The following CEP83 variants were observed in gnomAD, a reference collection of about 807,000 sequenced individuals.
The protein encoded by CEP83 is centrosomal protein 83, also known as centrosomal protein of 83 kDa.
In CEP83, 70 loss-of-function variants were observed where a neutral mutation model predicts 101.9. The observed-to-expected ratio is 0.69, with a 90% CI of 0.57 to 0.84. The LOEUF is 0.84. CEP83 is among the 40% of genes least tolerant of loss of function. CEP83 has a pLI of 0.00. For synonymous variants in CEP83, 264 were observed against 267.9 expected, an observed-to-expected ratio of 0.99 and a Z score of 0.14; for missense variants, 715 against 787.2, an observed-to-expected ratio of 0.91 and a Z score of 1.10.
At chr12:94,382,498 T>C (rs1176778945) in intron 6 of CEP83, among the ~76,000 whole-genome samples, 1 of 151,906 alleles carries the variant, frequency 6.6e-6, no homozygotes, top group East Asian at 1.9e-4. Context: ...GGCACTGCTT[T>C]AGCTGTGTCC....
intron 6 of CEP83, among the ~76,000 whole-genome samples, chr12:94,399,270 C>A (rs1046495957): frequency 6.6e-6 from 1 of 152,140 alleles, no homozygotes; most frequent in Admixed American, 6.5e-5. Flanking sequence ...CCCCAGGGGC[C>A]GAGCTGTAAA....
At chr12:94,338,562 C>G (rs183799121) in intron 11 of CEP83, among the ~76,000 whole-genome samples, 1 of 151,698 alleles carries the variant, frequency 6.6e-6, no homozygotes, top group Non-Finnish European at 1.5e-5. Context: ...CAGTTTTCAG[C>G]AGGGGGAGAG....
At chr12:94,367,754 T>A in intron 11 of CEP83, 40 bp downstream of exon 11, 1 of 1,466,040 alleles carries the variant, frequency 6.8e-7, no homozygotes, top group Non-Finnish European at 9.1e-7. Context: ...TCTGACCTTA[T>A]TTCAACATGA....
intron 8 of CEP83, among the ~76,000 whole-genome samples, chr12:94,371,924 A>G (rs918253170): frequency 6.6e-6 from 1 of 152,318 alleles, no homozygotes; most frequent in African/African-American, 2.4e-5. Flanking sequence ...GTAGATTTTT[A>G]AATGACCGTA....
downstream of CEP83, chr12:94,304,000 A>G (rs749228338): frequency 7.5e-6 from 12 of 1,599,514 alleles, no homozygotes; most frequent in Non-Finnish European, 8.6e-6. Flanking sequence ...AATTTAATGA[A>G]GAAGTGGCCT....
At chr12:94,334,630 C>A (rs1352015951) in intron 12 of CEP83, among the ~76,000 whole-genome samples, 1 of 151,990 alleles carries the variant, frequency 6.6e-6, no homozygotes, top group Non-Finnish European at 1.5e-5. Flanking sequence ...ATATAATAAA[C>A]AAAATAAATG....
chr12:94,457,083 T>C (rs1353544460), intron 1 of CEP83, among the ~76,000 whole-genome samples: 1 of 152,134 alleles, frequency 6.6e-6, no homozygotes. Context: ...TAAGATCAGG[T>C]CACGGGGGAT....
At chr12:94,344,695 T>C (rs2059850075) in intron 11 of CEP83, among the ~76,000 whole-genome samples, 1 of 152,144 alleles carries the variant, frequency 6.6e-6, no homozygotes. Context: ...AATGGAGAGA[T>C]GTATGATATT....
intron 14 of CEP83, among the ~76,000 whole-genome samples, chr12:94,324,335 T>C (rs1593155147): frequency 1.3e-5 from 2 of 152,210 alleles, no homozygotes; most frequent in East Asian, 3.8e-4. Context: ...ATGACCTAAT[T>C]CTTCTTGTAT....
intron 11 of CEP83, among the ~76,000 whole-genome samples, chr12:94,341,632 T>C (rs1403284639): frequency 6.6e-6 from 1 of 151,974 alleles, no homozygotes; most frequent in African/African-American, 2.4e-5. Flanking sequence ...TTAAAATAAG[T>C]TGAGGTCATT....
At chr12:94,297,122 A>C in the CEP83 span, 3 of 1,523,988 alleles carry the variant, frequency 2.0e-6, no homozygotes, top group Non-Finnish European at 2.7e-6. Context: ...TTTTAAGAGA[A>C]GGCCGATTAG....
chr12:94,344,248 G>T (rs1044235335), intron 11 of CEP83, among the ~76,000 whole-genome samples: 2 of 152,198 alleles, frequency 1.3e-5, no homozygotes, highest in Non-Finnish European at 2.9e-5. Flanking sequence ...TAAAATTAGT[G>T]AATTTCTTTA....
the CEP83 span, among the ~76,000 whole-genome samples, chr12:94,284,087 GAAAAAAAAA>G: frequency 4.8e-5 from 4 of 82,696 alleles, no homozygotes; most frequent in Admixed American, 1.4e-4. Context: ...CATGTCAGGG[GAAAAAAAAA>G]AAAAAAAAAA....
intron 2 of CEP83, among the ~76,000 whole-genome samples, chr12:94,416,418 A>C (rs909743269): frequency 6.6e-6 from 1 of 152,168 alleles, no homozygotes; most frequent in Non-Finnish European, 1.5e-5. Context: ...GAAACTGGCA[A>C]CCAGGAAACA....
chr12:94,447,938 T>C (rs1415576857), intron 1 of CEP83, among the ~76,000 whole-genome samples: 3 of 151,708 alleles, frequency 2.0e-5, no homozygotes, highest in African/African-American at 4.8e-5. Context: ...AAAACAAATA[T>C]GAAAAATGCA....
intron 4 of CEP83, among the ~76,000 whole-genome samples, chr12:94,409,111 T>C (rs1039050031): frequency 1.6e-4 from 24 of 151,988 alleles, no homozygotes; most frequent in African/African-American, 5.6e-4. Context: ...TAAACCTTCA[T>C]TGAAATATTT....
the CEP83 span, chr12:94,294,572 C>A: frequency 1.1e-6 from 1 of 949,622 alleles, no homozygotes; most frequent in Non-Finnish European, 1.7e-6. Context: ...ACCTTTTGTT[C>A]TCACCCAGCT....
At chr12:94,394,464 A>G (rs2062758326) in intron 6 of CEP83, among the ~76,000 whole-genome samples, 1 of 152,230 alleles carries the variant, frequency 6.6e-6, no homozygotes, top group Non-Finnish European at 1.5e-5. Flanking sequence ...CACCTTGTAA[A>G]AAAATTAATT....
chr12:94,459,724 G>C lies in CEP83; in HGVS notation c.-322C>G, dbSNP rs186461212. The C allele has an allele frequency of 2.0e-5, 3 of 152,552 alleles. No homozygotes were observed. The highest frequency in any genetic ancestry group is 1.3e-4 in the Admixed American group (2 of 15,300). 9.4% of individuals were successfully genotyped at this position (152,552 alleles called of 1,614,324 possible). A position where few individuals can be genotyped will look rare whatever the true frequency, so the allele number is the denominator to read the frequency against. On this transcript the variant is annotated 5_prime_UTR_variant, in exon 1 of 17. Transcript: ENST00000397809. ...GGTTACGGTCCTACAGCGGGGTGTC[G>C]GCCCAGCGAGAGGAAGAGGGCCGAA...
Sources: gnomAD v4.1 joint callset for allele counts (sites outside exome capture counted in the v4.1 genomes callset) on GRCh38, gnomAD v4.1.1 for gene constraint, MANE v1.5 for transcripts, NCBI Gene and HGNC (gene_info 2026-07-23, HGNC 2026-07-21) for gene names.